GTF3C1: variants seen among roughly 807,000 people sequenced by gnomAD.
The protein encoded by GTF3C1 is general transcription factor IIIC subunit 1, also known as general transcription factor 3C polypeptide 1.
GTF3C1 carries 57 observed loss-of-function variants against 226.7 expected under a neutral mutation model. That is an observed-to-expected ratio of 0.25 (90% CI 0.20 to 0.31). The LOEUF is 0.31. GTF3C1 is among the 10% of genes least tolerant of loss of function. The probability of loss-of-function intolerance (pLI) is 1.00; values close to 1 mark genes in which losing one functional copy is unlikely to be tolerated. For missense variants in GTF3C1, 2,217 were observed against 2,776.1 expected, an observed-to-expected ratio of 0.80 and a Z score of 4.53; for synonymous variants, 1,090 against 1,084.8, an observed-to-expected ratio of 1.00 and a Z score of -0.09.
In GTF3C1 at chr16:27,481,041, T is replaced by C. The variant is rs559825077; in HGVS notation, c.4196+38A>G. ...CAGGGCTGGCCTTTTCTTCTTGCCCTGCGAGGGCCACATGGAACCATCCCA... is the reference window on the plus strand; with the variant it reads ...CAGGGCTGGCCTTTTCTTCTTGCCCCGCGAGGGCCACATGGAACCATCCCA... On this transcript the variant is annotated intron_variant, in intron 27 of 36. Transcript: ENST00000356183. The C allele has an allele frequency of 4.5e-6, 7 of 1,542,652 alleles. No homozygotes were observed. The African/African-American group carries it at 9.5e-5, about 21-fold the overall frequency.
chr16:27,515,944 G>A (rs542856287), intron 6 of GTF3C1, among the ~76,000 whole-genome samples: 1 of 152,344 alleles, frequency 6.6e-6, no homozygotes, highest in South Asian at 2.1e-4. Context: ...CCATTTCACA[G>A]ATGCGGAAGC....
chr16:27,501,339 T>C lies in GTF3C1; in HGVS notation c.1913A>G (p.Gln638Arg). ...CTTCTCCTGATCCATGATCATCTTC[T>C]GAATCCTGGGCATCACAAAATAAGC... ...LRLIESLFTI[Q>R]KMIMDQEKQE... The change falls in exon 12 of 37, where the codon CAG becomes CGG. Residue 638 changes from glutamine to arginine, a missense_variant. Gln to Arg is a conservative substitution (Grantham distance 43). Transcript: ENST00000356183. 1 of 1,613,988 alleles carries C rather than the reference T, an allele frequency of 6.2e-7. No homozygotes were observed. Among genetic ancestry groups the C allele is most frequent in the South Asian group, 1.1e-5 (1 of 91,076 alleles).
intron 1 of GTF3C1, among the ~76,000 whole-genome samples, chr16:27,547,003 A>G (rs1567419485): frequency 6.6e-6 from 1 of 151,990 alleles, no homozygotes; most frequent in Non-Finnish European, 1.5e-5. Context: ...CGGCCTCCCA[A>G]AGTGCTGGGA....
Position 27,469,696 on chromosome 16 carries a change from A to G in GTF3C1, c.4815-146T>C. 1.2e-6 allele frequency: 1 copy of G among 865,530 alleles called. No individual in the cohort carries two copies. The highest frequency in any genetic ancestry group is 1.8e-6 in the Non-Finnish European group (1 of 552,968). The allele number at this position is 865,530 out of a possible 1,614,324, so 53.6% of individuals were successfully genotyped here. ...TGCTTCATTACCAAGGCTGGTGTGG[A>G]TGGCTGCCCCAGATCCATCCCCTTT... is the stretch of plus-strand genomic sequence containing the variant. On this transcript the variant is annotated intron_variant, in intron 31 of 36. Transcript: ENST00000356183. This position sits in a 1 kb window ranked among gnomAD's most constrained non-coding sequence, Gnocchi z 4.5.
At chr16:27,479,763 C>T (rs1044855227) in intron 27 of GTF3C1, among the ~76,000 whole-genome samples, 2 of 152,198 alleles carry the variant, frequency 1.3e-5, no homozygotes, top group African/African-American at 4.8e-5. Context: ...AGCCCCCACA[C>T]CTGGCTTGGA....
At chr16:27,464,226 C>A in intron 34 of GTF3C1, 94 bp downstream of exon 34, 1 of 741,264 alleles carries the variant, frequency 1.3e-6, no homozygotes. Context: ...TGGCAGGTCC[C>A]CCATCCTCGG....
At position 27,495,341 on chromosome 16, in the gene GTF3C1, C is replaced by T. The variant is rs760784023; in HGVS notation, c.2502G>A (p.Gln834=). 1.2e-6 allele frequency: 2 copies of T among 1,614,022 alleles called. No individual in the cohort carries two copies. Among genetic ancestry groups the T allele is most frequent in the East Asian group, 4.5e-5 (2 of 44,892 alleles). The change falls in exon 15 of 37, where the codon CAG becomes CAA. Residue 834 remains glutamine (Q), a synonymous_variant. Coordinates refer to ENST00000356183, the MANE Select transcript of GTF3C1 (RefSeq NM_001520.4). ...GCCGGACGCCTGCCCTGCCTGACTC[C>T]TGCTTTATCGTTCTCCGTTCACTGA... The part of the protein sequence containing the change: ...SFISERRTIK[Q]ESGRAGVRPS...
intron 26 of GTF3C1, among the ~76,000 whole-genome samples, chr16:27,481,751 G>C (rs1316464107): frequency 6.6e-6 from 1 of 152,204 alleles, no homozygotes; most frequent in Non-Finnish European, 1.5e-5. Flanking sequence ...TGGCTATGTA[G>C]GACGCAGCCC....
rs753943323 is a variant in GTF3C1, at chr16:27,492,353, G to A, written c.3136C>T (p.Leu1046Phe). The A allele has an allele frequency of 1.9e-6, 3 of 1,599,378 alleles. No individual in the cohort carries two copies. The highest frequency in any genetic ancestry group is 2.6e-6 in the Non-Finnish European group (3 of 1,169,746). The change falls in exon 19 of 37, where the codon CTC becomes TTC. Residue 1046 changes from leucine to phenylalanine, a missense_variant. Physicochemically the swap from Leu to Phe is conservative, Grantham distance 22. Transcript: ENST00000356183. This position sits in a 1 kb window ranked among gnomAD's most constrained non-coding sequence, Gnocchi z 5.0. ...CGACACCCACCTAGTGGGGTGTTGA[G>A]GCAGACGCACTGCAGGTCAAACCAG... is the stretch of plus-strand genomic sequence containing the variant. ...NYWFDLQCVC[L>F]NTPLGVVRCP...
intron 29 of GTF3C1, among the ~76,000 whole-genome samples, chr16:27,474,738 G>A (rs553634922): frequency 6.6e-6 from 1 of 152,308 alleles, no homozygotes; most frequent in South Asian, 2.1e-4. Context: ...ATGCTGGGGT[G>A]GCAGAGGGCG....
intron 4 of GTF3C1, among the ~76,000 whole-genome samples, chr16:27,534,781 C>T (rs1377149876): frequency 1.3e-5 from 2 of 152,082 alleles, no homozygotes; most frequent in African/African-American, 4.8e-5. Context: ...ATGCTTCTCT[C>T]TAATACTGTA....
rs760502289 is a variant in GTF3C1 at position 27,481,201 on chromosome 16, T to C, written c.4084-10A>G. ...ACTCGTTGGCACAAACCTTTCAACA[T>C]GAGAGCATGAGAGGTTAAGCCCTTA... On this transcript the variant is annotated splice_polypyrimidine_tract_variant and intron_variant, in intron 26 of 36. Transcript: ENST00000356183. 2 of 1,607,202 alleles carry C rather than the reference T, an allele frequency of 1.2e-6. No homozygotes were observed.
chr16:27,529,148 TA>T (rs1384873818), intron 5 of GTF3C1, among the ~76,000 whole-genome samples: 3 of 152,102 alleles, frequency 2.0e-5, no homozygotes, highest in Non-Finnish European at 2.9e-5. Context: ...AAAAATAGGT[TA>T]AAAAATTTTA....
intron 6 of GTF3C1, among the ~76,000 whole-genome samples, chr16:27,523,297 C>T (rs2088779385): frequency 6.6e-6 from 1 of 152,032 alleles, no homozygotes; most frequent in Non-Finnish European, 1.5e-5. Flanking sequence ...TTGCTTTTTG[C>T]AAAACAGATC....
chr16:27,503,366 G>T (rs925614727), intron 10 of GTF3C1, among the ~76,000 whole-genome samples: 7 of 152,222 alleles, frequency 4.6e-5, no homozygotes, highest in Non-Finnish European at 7.3e-5. Flanking sequence ...GCCAAGTATT[G>T]TTGGGCTTTT....
Position 27,481,102 on chromosome 16 carries a change from G to C in GTF3C1, c.4173C>G (p.Asp1391Glu). ...ACCTGGCGAACAGCTCCTGGAGTGT[G>C]TCTGGGATTTCAAGGTTAGAATTCC... ...ALRNSNLEIP[D>E]TLQELFARYR... The change falls in exon 27 of 37, where the codon GAC becomes GAG. Residue 1391 changes from aspartate to glutamate, a missense_variant. By Grantham distance (45) the Asp-to-Glu change is conservative. This residue lies in a region of GTF3C1 where 546 missense variants were observed against 663.0 expected (regional missense o/e 0.82). Coordinates refer to ENST00000356183, the MANE Select transcript of GTF3C1 (RefSeq NM_001520.4). 1 of 1,614,150 alleles carries C rather than the reference G, an allele frequency of 6.2e-7. No homozygotes were observed. The highest frequency in any genetic ancestry group is 8.5e-7 in the Non-Finnish European group (1 of 1,179,968).
At position 27,463,428 on chromosome 16, in the gene GTF3C1, C is replaced by CT; in HGVS notation, c.5924+112dup. ...GCCAAGAACCAAGGTGCCGGGCAGG[C>CT]TGTCAGAGCTGGTACCTGGGGAAAG... On this transcript the variant is annotated intron_variant, in intron 35 of 36. Coordinates refer to ENST00000356183, the MANE Select transcript of GTF3C1 (RefSeq NM_001520.4). This position sits in a 1 kb window ranked among gnomAD's most constrained non-coding sequence, Gnocchi z 4.9. 1 of 715,612 alleles carries CT rather than the reference C, an allele frequency of 1.4e-6. No homozygotes were observed. Among genetic ancestry groups the CT allele is most frequent in the Non-Finnish European group, 2.5e-6 (1 of 398,528 alleles). The allele number at this position is 715,612 out of a possible 1,614,324, so 44.3% of individuals were successfully genotyped here. A position where few individuals can be genotyped will look rare whatever the true frequency, so the allele number is the denominator to read the frequency against.
chr16:27,489,688 G>A lies in GTF3C1; in HGVS notation c.3207C>T (p.Asp1069=), dbSNP rs756677318. ...RKNSSTDQGS[D]EEGSLQKEQE... ...GCTCCTTCTGCAGGCTGCCCTCCTC[G>A]TCGCTGCCCTGGTCTGTGCTGCTGT... Residue 1069 remains aspartate (D), a synonymous_variant, in exon 20 of 37, where the codon GAC becomes GAT. Coordinates refer to ENST00000356183, the MANE Select transcript of GTF3C1 (RefSeq NM_001520.4). 11 of 1,611,964 alleles carry A rather than the reference G, an allele frequency of 6.8e-6. No homozygotes were observed. Among genetic ancestry groups the A allele is most frequent in the South Asian group, 1.1e-5 (1 of 90,786 alleles).
In GTF3C1 at chr16:27,463,319, G is replaced by A. The variant is rs759961735; in HGVS notation, c.5924+222C>T. 35 of 577,464 alleles carry A rather than the reference G, an allele frequency of 6.1e-5. No individual in the cohort carries two copies. Among genetic ancestry groups the A allele is most frequent in the Non-Finnish European group, 7.7e-5 (25 of 326,228 alleles). The allele number at this position is 577,464 out of a possible 1,614,324, so 35.8% of individuals were successfully genotyped here. Reference sequence around the variant, plus strand: ...CCAGCGCCCTGGGCATTCTGGAAGCGCAGCCCTCATTCCAGGCCGACCTGG... The same window carrying A: ...CCAGCGCCCTGGGCATTCTGGAAGCACAGCCCTCATTCCAGGCCGACCTGG... On this transcript the variant is annotated intron_variant, in intron 35 of 36. Transcript: ENST00000356183. The surrounding 1 kb of genome is among the most constrained non-coding windows in gnomAD (Gnocchi z 4.9).
Sources: gnomAD v4.1 joint callset for allele counts (sites outside exome capture counted in the v4.1 genomes callset) on GRCh38, gnomAD v4.1.1 for gene constraint, gnomAD v4.1.1 regional missense constraint, Gnocchi (gnomAD v3.1) non-coding constraint, MANE v1.5 for transcripts, NCBI Gene and HGNC (gene_info 2026-07-23, HGNC 2026-07-21) for gene names.